FSTL5: variants seen among roughly 807,000 people sequenced by gnomAD.
The protein encoded by FSTL5 is follistatin-related protein 5.
In FSTL5, 62 loss-of-function variants were observed where a neutral mutation model predicts 89.1. The ratio of observed to expected loss-of-function variants is 0.70; its 90% CI spans 0.57 to 0.86. The LOEUF (loss-of-function observed/expected upper bound fraction) is 0.86. Ranked by LOEUF, FSTL5 falls within the 40% of genes least tolerant of loss-of-function variation. FSTL5 has a pLI of 0.00. For synonymous variants in FSTL5, 383 were observed against 346.2 expected, an observed-to-expected ratio of 1.11 and a Z score of -1.18; for missense variants, 1,057 against 1,001.6, an observed-to-expected ratio of 1.06 and a Z score of -0.75.
chr4:161,583,131 G>T (rs1045699044), intron 8 of FSTL5, among the ~76,000 whole-genome samples: 1 of 152,170 alleles, frequency 6.6e-6, no homozygotes, highest in East Asian at 1.9e-4. Context: ...AACCCAGGGG[G>T]CGGAGGTTGC....
Position 162,111,339 on chromosome 4 carries a change from C to T in FSTL5, c.58G>A (p.Gly20Arg), listed in dbSNP as rs2111407349. 1.2e-6 allele frequency: 2 copies of T among 1,612,096 alleles called. No homozygotes were observed. The highest frequency in any genetic ancestry group is 1.7e-6 in the Non-Finnish European group (2 of 1,178,588). ...TATCCTCCTTCTTTGGTTGGCCTTCCTTCCGACTCCAGAAAAATGAATCCG... is the reference window on the plus strand; with the variant it reads ...TATCCTCCTTCTTTGGTTGGCCTTCTTTCCGACTCCAGAAAAATGAATCCG... ...VLGFIFLESEGRPTKEGGYGL... is the reference protein window; with the variant it reads ...VLGFIFLESERRPTKEGGYGL... The change falls in exon 2 of 16, where the codon GGA becomes AGA. Residue 20 changes from glycine to arginine, a missense_variant. Around this residue, in one of 3 missense-constraint regions of FSTL5, gnomAD observed 980 missense variants for 903.2 expected, o/e 1.08. Coordinates refer to ENST00000306100, the MANE Select transcript of FSTL5 (RefSeq NM_020116.5).
intron 10 of FSTL5, among the ~76,000 whole-genome samples, chr4:161,525,120 G>A (rs184777327): frequency 5.8e-4 from 88 of 152,142 alleles, no homozygotes; most frequent in African/African-American, 2.0e-3. Flanking sequence ...CTTTGCTTGT[G>A]TGCATATTAA....
intron 3 of FSTL5, among the ~76,000 whole-genome samples, chr4:161,929,586 C>T (rs772375264): frequency 2.0e-5 from 3 of 150,938 alleles, no homozygotes; most frequent in Non-Finnish European, 3.0e-5. Flanking sequence ...TTAAATGTTG[C>T]CAGTGAACTA....
intron 2 of FSTL5, among the ~76,000 whole-genome samples, chr4:162,081,284 T>TATA (rs937780615): frequency 6.6e-6 from 1 of 151,470 alleles, no homozygotes; most frequent in African/African-American, 2.4e-5. Context: ...ACTGACACAA[T>TATA]ATAATGGATC....
chr4:161,616,691 T>A (rs902121862), intron 7 of FSTL5, among the ~76,000 whole-genome samples: 1 of 151,850 alleles, frequency 6.6e-6, no homozygotes, highest in Non-Finnish European at 1.5e-5. Flanking sequence ...GATTGTGGCC[T>A]ATTGGGGGTG....
At chr4:161,851,362 T>A (rs1280160963) in intron 4 of FSTL5, among the ~76,000 whole-genome samples, 3 of 152,178 alleles carry the variant, frequency 2.0e-5, no homozygotes. Flanking sequence ...ATAGTGCCAC[T>A]ATTAGAATAA....
chr4:161,833,851 T>C (rs1476071766), intron 4 of FSTL5, among the ~76,000 whole-genome samples: 1 of 151,968 alleles, frequency 6.6e-6, no homozygotes. Context: ...CCAGTCTGTG[T>C]CTTTTAATTG....
intron 7 of FSTL5, among the ~76,000 whole-genome samples, chr4:161,621,698 C>A (rs1735130308): frequency 6.6e-6 from 1 of 152,002 alleles, no homozygotes; most frequent in South Asian, 2.1e-4. Context: ...CAATATCAGG[C>A]CAGGCGCAAT....
At chr4:162,087,694 T>C (rs1730375979) in intron 2 of FSTL5, among the ~76,000 whole-genome samples, 2 of 152,154 alleles carry the variant, frequency 1.3e-5, no homozygotes, top group Admixed American at 6.6e-5. Flanking sequence ...GTTGACATAT[T>C]CTAACCAAGG....
At chr4:162,099,123 C>G (rs1263214971) in intron 2 of FSTL5, among the ~76,000 whole-genome samples, 6 of 152,016 alleles carry the variant, frequency 3.9e-5, no homozygotes. Flanking sequence ...ATAGTCATCA[C>G]CTCGAACATG....
intron 14 of FSTL5, among the ~76,000 whole-genome samples, chr4:161,456,842 T>A (rs1733371496): frequency 6.6e-6 from 1 of 152,312 alleles, no homozygotes; most frequent in Middle Eastern, 3.4e-3. Flanking sequence ...TAGAGAATTA[T>A]CTCCTTTGAA....
In FSTL5 at chr4:161,957,481, T is replaced by A. The variant is rs530189388; in HGVS notation, c.161-36829A>T. 3.9e-5 allele frequency among the ~76,000 whole-genome samples: 6 copies of A among 152,204 alleles called. No homozygotes were observed. The East Asian group carries it at 1.2e-3, about 29-fold the overall frequency. Reference sequence around the variant, plus strand: ...TCTTTCATCTGTTATTTTCTGTAGCTAATAGAATGTCAGAAATCAGGGTAG... The same window carrying A: ...TCTTTCATCTGTTATTTTCTGTAGCAAATAGAATGTCAGAAATCAGGGTAG... On this transcript the variant is annotated intron_variant, in intron 3 of 15. Coordinates refer to ENST00000306100, the MANE Select transcript of FSTL5 (RefSeq NM_020116.5).
intron 1 of FSTL5, among the ~76,000 whole-genome samples, chr4:162,128,017 G>A (rs1424160947): frequency 6.6e-6 from 1 of 152,144 alleles, no homozygotes; most frequent in African/African-American, 2.4e-5. Context: ...TAGTTAATAT[G>A]CTAAAGTTAA....
At chr4:161,425,632 T>G (rs962790031) in intron 15 of FSTL5, among the ~76,000 whole-genome samples, 14 of 152,150 alleles carry the variant, frequency 9.2e-5, no homozygotes, top group African/African-American at 2.4e-4. Flanking sequence ...CACAAGGCAT[T>G]AGAGAGAAGA....
At chr4:161,577,122 C>A (rs1458130752) in intron 8 of FSTL5, among the ~76,000 whole-genome samples, 1 of 152,008 alleles carries the variant, frequency 6.6e-6, no homozygotes, top group Non-Finnish European at 1.5e-5. Flanking sequence ...TGAGTATTTG[C>A]CATGTTTTTT....
intron 15 of FSTL5, among the ~76,000 whole-genome samples, chr4:161,428,910 T>C (rs7691067): frequency 0.14 from 21,026 of 151,736 alleles, 1,747 homozygotes; most frequent in East Asian, 0.25. Context: ...TGGAGCAGAG[T>C]ACCAAGCAGG....
At position 161,693,335 on chromosome 4, in the gene FSTL5, T is replaced by C. The variant is rs543916436; in HGVS notation, c.728-36841A>G. Among the ~76,000 whole-genome samples, 8 of 152,300 alleles carry C rather than the reference T, an allele frequency of 5.3e-5. No individual in the cohort carries two copies. The South Asian group carries it at 1.7e-3, about 32-fold the overall frequency. On this transcript the variant is annotated intron_variant, in intron 6 of 15. Coordinates refer to ENST00000306100, the MANE Select transcript of FSTL5 (RefSeq NM_020116.5). ...GTCTTACAGAAAATATTATGATGTGTTTCCTCTTATATTTTTGTAAGATTT... is the reference window on the plus strand; with the variant it reads ...GTCTTACAGAAAATATTATGATGTGCTTCCTCTTATATTTTTGTAAGATTT...
intron 3 of FSTL5, among the ~76,000 whole-genome samples, chr4:161,957,195 T>C (rs1243625407): frequency 1.3e-5 from 2 of 151,862 alleles, no homozygotes; most frequent in African/African-American, 2.4e-5. Context: ...TTAGATAGAG[T>C]GATTTTTTTT....
chr4:162,002,484 G>A (rs1282970017), intron 3 of FSTL5, among the ~76,000 whole-genome samples: 2 of 152,120 alleles, frequency 1.3e-5, no homozygotes, highest in East Asian at 3.9e-4. Context: ...ATTAGTTTTA[G>A]TTTAATTGTG....
Sources: allele counts gnomAD v4.1 joint callset (sites outside exome capture counted in the v4.1 genomes callset), GRCh38; gene constraint gnomAD v4.1.1; regional missense constraint gnomAD v4.1.1; transcripts MANE v1.5; gene names NCBI Gene and HGNC (gene_info 2026-07-23, HGNC 2026-07-21).